AGAP5: variants seen among roughly 807,000 people sequenced by gnomAD.
AGAP5 encodes ArfGAP with GTPase domain, ankyrin repeat and PH domain 5.
In AGAP5, 8 loss-of-function variants were observed where a neutral mutation model predicts 27.7. The observed-to-expected ratio is 0.29, with a 90% CI of 0.17 to 0.52. The LOEUF (loss-of-function observed/expected upper bound fraction) is 0.52. Ranked by LOEUF, AGAP5 falls within the 20% of genes least tolerant of loss-of-function variation. AGAP5 has a pLI of 0.97. For missense variants in AGAP5, 285 were observed against 880.8 expected (o/e 0.32, Z 8.56); for synonymous variants, 111 against 338.0 (o/e 0.33, Z 7.37).
rs146317438 is a variant in AGAP5, at chr10:73,679,363, C to T, written c.533+708G>A. 8.7e-3 allele frequency among the ~76,000 whole-genome samples: 1,321 copies of T among 151,980 alleles called. 19 individuals carry two copies. The highest frequency in any genetic ancestry group is 0.03 in the African/African-American group (1,231 of 41,428). ...ATTTTTAGTAGAGACGGGGTTTCGC[C>T]GTGTTAGCCAGAATGGTCTCGATCT... On this transcript the variant is annotated intron_variant, in intron 6 of 7. Coordinates refer to ENST00000374094, the MANE Select transcript of AGAP5 (RefSeq NM_001144000.4).
intron 5 of AGAP5, chr10:73,681,451 A>C: frequency 1.0e-6 from 1 of 985,414 alleles, no homozygotes; most frequent in Non-Finnish European, 1.2e-6. Context: ...TCCCACTGAC[A>C]ACAGTGCACT....
intron 4 of AGAP5, among the ~76,000 whole-genome samples, chr10:73,687,992 T>G (rs1266631357): frequency 6.6e-6 from 1 of 152,052 alleles, no homozygotes; most frequent in Non-Finnish European, 1.5e-5. Context: ...AATGGCACTT[T>G]GGAAAGCAGG....
intron 3 of AGAP5, among the ~76,000 whole-genome samples, chr10:73,693,499 A>G (rs1412724789): frequency 5.1e-5 from 3 of 59,192 alleles, no homozygotes; most frequent in African/African-American, 1.4e-4. Context: ...GGAGTTTCAG[A>G]CCAGCCTGGC....
At chr10:73,689,641 C>T (rs1465528182) in intron 4 of AGAP5, among the ~76,000 whole-genome samples, 1 of 151,946 alleles carries the variant, frequency 6.6e-6, no homozygotes, top group African/African-American at 2.4e-5. Flanking sequence ...TGCCCTGCCG[C>T]CCCGTCCAGG....
Position 73,694,791 on chromosome 10 carries a change from G to C in AGAP5, c.306C>G (p.Asn102Lys). 2 of 1,598,158 alleles carry C rather than the reference G, an allele frequency of 1.3e-6. No homozygotes were observed. Among genetic ancestry groups the C allele is most frequent in the Non-Finnish European group, 1.7e-6 (2 of 1,179,682 alleles). The change falls in exon 3 of 8, where the codon AAC (asparagine) becomes AAG (lysine). Residue 102 changes from asparagine to lysine, a missense_variant. Coordinates refer to ENST00000374094, the MANE Select transcript of AGAP5 (RefSeq NM_001144000.4). ...TGCTTGCCTCTGGATTGGCAGAAGG[G>C]TTAAACTCCAAAGCTATATGCATAG... is the stretch of plus-strand genomic sequence containing the variant. ...RNSQTDALEF[N>K]PSANPEASTI...
intron 4 of AGAP5, among the ~76,000 whole-genome samples, chr10:73,687,319 A>G (rs1416703500): frequency 6.6e-6 from 1 of 152,032 alleles, no homozygotes; most frequent in Non-Finnish European, 1.5e-5. Flanking sequence ...CAGTGGTGCA[A>G]TTATAGTTAA....
At chr10:73,696,297 C>A (rs984425933) in intron 2 of AGAP5, among the ~76,000 whole-genome samples, 9 of 152,232 alleles carry the variant, frequency 5.9e-5, no homozygotes, top group African/African-American at 2.2e-4. Context: ...GGATTACAGG[C>A]GTGAGCCACC....
At chr10:73,690,127 A>G (rs1462758160) in intron 4 of AGAP5, among the ~76,000 whole-genome samples, 1 of 152,260 alleles carries the variant, frequency 6.6e-6, no homozygotes. Context: ...CTCATTGAGA[A>G]CGGGCCATGA....
In AGAP5 at chr10:73,697,781, C is replaced by T; in HGVS notation, c.-26G>A. The T allele has an allele frequency of 1.9e-6, 3 of 1,597,180 alleles. No homozygotes were observed. The highest frequency in any genetic ancestry group is 2.5e-6 in the Non-Finnish European group (3 of 1,179,544). The stretch of plus-strand genomic sequence containing the variant: ...GGGGCGCCTCTACTGTCTGCCACCA[C>T]CTGTGCCTCTGCTCACAGCTTTGGC... On this transcript the variant is annotated 5_prime_UTR_variant, in exon 1 of 8. The change creates a new upstream start codon in the 5' untranslated region. Transcript: ENST00000374094.
At position 73,677,953 on chromosome 10, in the gene AGAP5, T is replaced by C. The variant is rs1236106934; in HGVS notation, c.534-1183A>G. Among the ~76,000 whole-genome samples, 7 of 152,318 alleles carry C rather than the reference T, an allele frequency of 4.6e-5. No homozygotes were observed. The East Asian group carries it at 1.3e-3, about 29-fold the overall frequency. On this transcript the variant is annotated intron_variant, in intron 6 of 7. Coordinates refer to ENST00000374094, the MANE Select transcript of AGAP5 (RefSeq NM_001144000.4). The stretch of plus-strand genomic sequence containing the variant: ...TCTTTGATGAAGCAATAAAAATTAA[T>C]GTTGTTAAATCTTGACATGTCTCTA...
At chr10:73,677,596 G>A (rs2081990661) in intron 6 of AGAP5, among the ~76,000 whole-genome samples, 1 of 151,160 alleles carries the variant, frequency 6.6e-6, no homozygotes, top group South Asian at 2.1e-4. Flanking sequence ...ATGTTGGCCA[G>A]GCTGGTCTTG....
rs1316153014 is a variant in AGAP5 at position 73,697,918 on chromosome 10, G to C, written c.-163C>G. On this transcript the variant is annotated 5_prime_UTR_variant, in exon 1 of 8. Coordinates refer to ENST00000374094, the MANE Select transcript of AGAP5 (RefSeq NM_001144000.4). ...GCCCCGGGCACCATCCCTGGCCCCG[G>C]CCCCGGCCCCGGCTAGGGCTGCGGG... The C allele has an allele frequency of 6.5e-7, 1 of 1,529,816 alleles. No individual in the cohort carries two copies. The highest frequency in any genetic ancestry group is 1.4e-5 in the African/African-American group (1 of 72,882). The allele number at this position is 1,529,816 out of a possible 1,614,324, so 94.8% of individuals were successfully genotyped here.
chr10:73,697,831 G>A lies in AGAP5; in HGVS notation c.-76C>T, dbSNP rs532873279. On this transcript the variant is annotated 5_prime_UTR_variant, in exon 1 of 8. Transcript: ENST00000374094. ...CCACACACTCCCACTGTCCTAGGCCGAGGCTATGCTGCACTTGCAGAGATG... is the reference window on the plus strand; with the variant it reads ...CCACACACTCCCACTGTCCTAGGCCAAGGCTATGCTGCACTTGCAGAGATG... The A allele has an allele frequency of 2.7e-5, 42 of 1,581,284 alleles. No individual in the cohort carries two copies. The highest frequency in any genetic ancestry group is 1.3e-4 in the East Asian group (6 of 44,582).
At chr10:73,689,889 C>G (rs1037666269) in intron 4 of AGAP5, among the ~76,000 whole-genome samples, 17 of 150,308 alleles carry the variant, frequency 1.1e-4, no homozygotes, top group Non-Finnish European at 2.2e-4. Context: ...GGCCAGCCGC[C>G]CCGTCCGGGA....
Position 73,697,746 on chromosome 10 carries a change from T to C in AGAP5, c.10A>G (p.Ile4Val), listed in dbSNP as rs755600755. ...CTAGGGTGCACACAACAGGTCAGTA[T>C]GTTCCCCATGGGGCGCCTCTACTGT... MGN[I>V]LTCCVHPSVS... Residue 4 changes from isoleucine to valine, a missense_variant, in exon 1 of 8, where the codon ATA (isoleucine) becomes GTA (valine). Physicochemically the swap from Ile to Val is conservative, Grantham distance 29 (BLOSUM62 3). Coordinates refer to ENST00000374094, the MANE Select transcript of AGAP5 (RefSeq NM_001144000.4). The C allele has an allele frequency of 1.9e-6, 3 of 1,597,702 alleles. No individual in the cohort carries two copies. The South Asian group carries it at 3.3e-5, about 18-fold the overall frequency.
intron 4 of AGAP5, among the ~76,000 whole-genome samples, chr10:73,690,042 G>T (rs2082103489): frequency 6.6e-6 from 1 of 151,832 alleles, no homozygotes. Context: ...GGGCCCCTCT[G>T]CCTGGCCGCC....
chr10:73,697,466 AG>A lies in AGAP5; in HGVS notation c.223+66del, dbSNP rs2082170689. 35 of 1,603,106 alleles carry A rather than the reference AG, an allele frequency of 2.2e-5. 1 individual carries two copies. The South Asian group carries it at 3.7e-4, about 17-fold the overall frequency. On this transcript the variant is annotated intron_variant, in intron 1 of 7. Coordinates refer to ENST00000374094, the MANE Select transcript of AGAP5 (RefSeq NM_001144000.4). ...GAGCTCAAAGTGGGGGATGCCGTAAAGGGAACCTTGGGGACAGCAGCAGCCA... is the reference window on the plus strand; with the variant it reads ...GAGCTCAAAGTGGGGGATGCCGTAAAGGAACCTTGGGGACAGCAGCAGCCA...
chr10:73,694,285 G>A (rs1049924915), intron 3 of AGAP5, among the ~76,000 whole-genome samples: 1 of 152,148 alleles, frequency 6.6e-6, no homozygotes, highest in East Asian at 1.9e-4. Context: ...CGTAAGAGGA[G>A]GCCCAAATCA....
chr10:73,675,145 G>C lies in AGAP5; in HGVS notation c.1515C>G (p.Ile505Met). ...AAAGGCGGGTGCCAAGACTGCGGTG[G>C]ATTCCTGAGCATTCAATACACATGA... ...GVLMCIECSG[I>M]HRSLGTRLSR... Residue 505 changes from isoleucine to methionine, a missense_variant, in exon 8 of 8, where the codon ATC becomes ATG. Coordinates refer to ENST00000374094, the MANE Select transcript of AGAP5 (RefSeq NM_001144000.4). The C allele has an allele frequency of 6.2e-7, 1 of 1,609,884 alleles. No individual in the cohort carries two copies. Among genetic ancestry groups the C allele is most frequent in the East Asian group, 2.2e-5 (1 of 44,868 alleles).
Sources: gnomAD v4.1 joint callset for allele counts (sites outside exome capture counted in the v4.1 genomes callset) on GRCh38, gnomAD v4.1.1 for gene constraint, MANE v1.5 for transcripts, NCBI Gene and HGNC (gene_info 2026-07-23, HGNC 2026-07-21) for gene names.